PLCB1: variants seen among roughly 807,000 people sequenced by gnomAD.
PLCB1 encodes the protein phospholipase C beta 1.
A neutral mutation model predicts 161.8 loss-of-function variants in PLCB1; 46 were observed. The observed-to-expected ratio is 0.28, with a 90% CI of 0.22 to 0.36. The LOEUF is 0.36. Among genes scored for constraint, PLCB1 ranks in the 10% least tolerant of loss-of-function variants. The pLI is 1.00. For synonymous variants in PLCB1, 517 were observed against 503.7 expected (o/e 1.03, Z -0.35); for missense variants, 1,016 against 1,472.5 (o/e 0.69, Z 5.07).
chr20:8,721,979 C>T (rs2045759025), intron 14 of PLCB1, among the ~76,000 whole-genome samples: 1 of 151,866 alleles, frequency 6.6e-6, no homozygotes, highest in Non-Finnish European at 1.5e-5. Flanking sequence ...TCATAGAGAC[C>T]CTGAGAGAGT....
intron 18 of PLCB1, 110 bp downstream of exon 18, chr20:8,729,284 A>G (rs1980104686): frequency 1.0e-6 from 1 of 958,058 alleles, no homozygotes; most frequent in African/African-American, 1.7e-5. Context: ...CTGAAAAAAT[A>G]AATAAAAGCA....
chr20:8,648,103 G>C, intron 6 of PLCB1, 150 bp downstream of exon 6: 1 of 518,410 alleles, frequency 1.9e-6, no homozygotes, highest in Non-Finnish European at 3.4e-6. Context: ...TCTCATGTCA[G>C]TGCAGCTGCT....
chr20:8,692,158 T>C (rs1290907246), intron 10 of PLCB1, among the ~76,000 whole-genome samples: 1 of 152,196 alleles, frequency 6.6e-6, no homozygotes, highest in Non-Finnish European at 1.5e-5. Context: ...TCTGATGAAT[T>C]AAATTATCTG....
chr20:8,312,214 C>T (rs1025839666), intron 2 of PLCB1, among the ~76,000 whole-genome samples: 1 of 152,062 alleles, frequency 6.6e-6, no homozygotes, highest in Non-Finnish European at 1.5e-5. Context: ...TCTACCCACC[C>T]ACCAATGACA....
chr20:8,225,263 T>A (rs1979622329), intron 2 of PLCB1, among the ~76,000 whole-genome samples: 1 of 152,220 alleles, frequency 6.6e-6, no homozygotes, highest in African/African-American at 2.4e-5. Flanking sequence ...AAGGGTTTTT[T>A]TGTTTTGTTT....
intron 2 of PLCB1, among the ~76,000 whole-genome samples, chr20:8,338,970 C>T (rs1003478621): frequency 2.6e-5 from 4 of 152,062 alleles, no homozygotes; most frequent in Non-Finnish European, 4.4e-5. Context: ...CGTGTTGTTC[C>T]ATGTTGCATT....
At chr20:8,806,911 T>G in intron 31 of PLCB1, among the ~76,000 whole-genome samples, 1 of 152,118 alleles carries the variant, frequency 6.6e-6, no homozygotes, top group South Asian at 2.1e-4. Context: ...CGTCTTCTCC[T>G]TTTCCTCTGC....
intron 2 of PLCB1, among the ~76,000 whole-genome samples, chr20:8,312,370 G>T (rs557225816): frequency 2.6e-5 from 4 of 152,050 alleles, no homozygotes; most frequent in African/African-American, 9.7e-5. Context: ...GTGGGATCAG[G>T]CCAAAAACTG....
At chr20:8,818,283 A>G (rs1202576215) in intron 31 of PLCB1, among the ~76,000 whole-genome samples, 1 of 152,222 alleles carries the variant, frequency 6.6e-6, no homozygotes, top group Non-Finnish European at 1.5e-5. Flanking sequence ...AATGAAAGTA[A>G]TAAAGAGATT....
At chr20:8,373,158 T>G (rs1400801214) in intron 3 of PLCB1, among the ~76,000 whole-genome samples, 1 of 152,230 alleles carries the variant, frequency 6.6e-6, no homozygotes, top group Non-Finnish European at 1.5e-5. Flanking sequence ...ACACTTAGAA[T>G]ACTCTGACTT....
intron 27 of PLCB1, among the ~76,000 whole-genome samples, chr20:8,779,507 CAAAAAAAAAAAAA>C (rs373073139): frequency 0.027 from 2,811 of 102,544 alleles, 149 homozygotes; most frequent in African/African-American, 0.096. Flanking sequence ...CACTTTTGTG[CAAAAAAAAAAAAA>C]AAAAAAAAAA....
At chr20:8,862,492 G>A (rs560904822) in intron 31 of PLCB1, among the ~76,000 whole-genome samples, 14 of 152,234 alleles carry the variant, frequency 9.2e-5, no homozygotes, top group African/African-American at 2.9e-4. Context: ...AATGTAACAG[G>A]AATCTAATTG....
intron 23 of PLCB1, among the ~76,000 whole-genome samples, chr20:8,748,300 T>C (rs1030390905): frequency 1.3e-5 from 2 of 152,192 alleles, no homozygotes; most frequent in Admixed American, 1.3e-4. Flanking sequence ...GTAATCCCCA[T>C]TTTTAGAGAA....
chr20:8,579,092 A>G (rs1163385499), intron 3 of PLCB1, among the ~76,000 whole-genome samples: 1 of 152,196 alleles, frequency 6.6e-6, no homozygotes, highest in East Asian at 1.9e-4. Context: ...ATTGGCCCCA[A>G]TTCTTCATCA....
intron 2 of PLCB1, among the ~76,000 whole-genome samples, chr20:8,153,059 G>T (rs2051525861): frequency 1.3e-5 from 2 of 152,044 alleles, no homozygotes; most frequent in African/African-American, 4.8e-5. Flanking sequence ...CCTTTGATTT[G>T]TCACCACAGA....
At chr20:8,227,056 A>G (rs1979735208) in intron 2 of PLCB1, among the ~76,000 whole-genome samples, 1 of 152,198 alleles carries the variant, frequency 6.6e-6, no homozygotes, top group African/African-American at 2.4e-5. Context: ...TTCAACATGT[A>G]ATCAATATAA....
chr20:8,624,632 G>A (rs577945783), intron 3 of PLCB1, among the ~76,000 whole-genome samples: 1 of 152,152 alleles, frequency 6.6e-6, no homozygotes, highest in South Asian at 2.1e-4. Context: ...TGCTTCTTAG[G>A]TGTAGAACAG....
intron 3 of PLCB1, among the ~76,000 whole-genome samples, chr20:8,601,587 CT>C (rs762819994): frequency 2.6e-5 from 4 of 152,202 alleles, no homozygotes; most frequent in Admixed American, 6.5e-5. Context: ...TTCTTGAGCA[CT>C]TTCTATGTGC....
chr20:8,759,330 T>C (rs1981896808), intron 24 of PLCB1, among the ~76,000 whole-genome samples: 1 of 152,198 alleles, frequency 6.6e-6, no homozygotes, highest in Non-Finnish European at 1.5e-5. Context: ...GTTTCTCCAC[T>C]GAAAGTTATT....
Sources: gnomAD v4.1 joint callset for allele counts (sites outside exome capture counted in the v4.1 genomes callset) on GRCh38, gnomAD v4.1.1 for gene constraint, MANE v1.5 for transcripts, NCBI Gene and HGNC (gene_info 2026-07-23, HGNC 2026-07-21) for gene names.